The following SAMD12 variants were observed in gnomAD, a reference collection of about 807,000 sequenced individuals.
SAMD12 encodes sterile alpha motif domain-containing protein 12.
In SAMD12, 9 loss-of-function variants were observed where a neutral mutation model predicts 15.0. The ratio of observed to expected loss-of-function variants is 0.60; its 90% CI spans 0.36 to 1.05. The LOEUF is 1.05. SAMD12 is among the 50% of genes least tolerant of loss of function. The pLI is 0.01. For synonymous variants in SAMD12, 86 were observed against 90.1 expected, an observed-to-expected ratio of 0.96 and a Z score of 0.25; for missense variants, 230 against 234.2, an observed-to-expected ratio of 0.98 and a Z score of 0.12.
intron 4 of SAMD12, among the ~76,000 whole-genome samples, chr8:118,255,132 G>A (rs1356280613): frequency 6.6e-6 from 1 of 151,902 alleles, no homozygotes; most frequent in Non-Finnish European, 1.5e-5. Flanking sequence ...CAGACCGTGG[G>A]GGCAGACTAC....
intron 1 of SAMD12, among the ~76,000 whole-genome samples, chr8:118,613,502 A>G (rs2131319809): frequency 6.6e-6 from 1 of 152,332 alleles, no homozygotes; most frequent in East Asian, 1.9e-4. Flanking sequence ...ATCATACTTG[A>G]CTTTTCATAG....
intron 4 of SAMD12, among the ~76,000 whole-genome samples, chr8:118,351,453 A>G (rs940771036): frequency 2.7e-4 from 41 of 152,200 alleles, no homozygotes; most frequent in Middle Eastern, 3.2e-3. Flanking sequence ...AACTTGCCCA[A>G]GGTCCTACAG....
chr8:118,498,816 C>T (rs1824699223), intron 2 of SAMD12, among the ~76,000 whole-genome samples: 1 of 152,198 alleles, frequency 6.6e-6, no homozygotes, highest in Non-Finnish European at 1.5e-5. Flanking sequence ...TTAGGTGTGA[C>T]ATATATCATA....
chr8:118,606,598 A>G (rs1004078329), intron 1 of SAMD12, among the ~76,000 whole-genome samples: 15 of 148,786 alleles, frequency 1.0e-4, no homozygotes, highest in Admixed American at 1.0e-3. Flanking sequence ...AAAAGAAAAG[A>G]AAAAAAAACA....
chr8:118,576,696 T>A (rs940254238), intron 2 of SAMD12, among the ~76,000 whole-genome samples: 1 of 152,188 alleles, frequency 6.6e-6, no homozygotes, highest in African/African-American at 2.4e-5. Context: ...TAGGGCTGGT[T>A]TTTTGGAAAC....
At chr8:118,275,094 T>A (rs754740678) in intron 4 of SAMD12, among the ~76,000 whole-genome samples, 10 of 152,232 alleles carry the variant, frequency 6.6e-5, no homozygotes, top group Non-Finnish European at 1.3e-4. Flanking sequence ...GTTTGCTCTA[T>A]GTCTATTGTA....
chr8:118,203,919 T>C (rs1819786296), intron 4 of SAMD12, among the ~76,000 whole-genome samples: 1 of 151,698 alleles, frequency 6.6e-6, no homozygotes, highest in Admixed American at 6.6e-5. Flanking sequence ...ACTCATCCTT[T>C]TTTTTTTGTT....
At chr8:118,333,975 C>CTGTG (rs777240048) in intron 4 of SAMD12, among the ~76,000 whole-genome samples, 8,827 of 144,496 alleles carry the variant, frequency 0.061, 561 homozygotes, top group African/African-American at 0.13. Context: ...AGGGGTGTGT[C>CTGTG]TGTGTGTGTG....
chr8:118,274,175 A>G (rs1813424618), intron 4 of SAMD12, among the ~76,000 whole-genome samples: 1 of 152,230 alleles, frequency 6.6e-6, no homozygotes, highest in Non-Finnish European at 1.5e-5. Flanking sequence ...AGAGTGCTGC[A>G]TGACATGAAC....
chr8:118,549,075 C>T (rs959446480), intron 2 of SAMD12, among the ~76,000 whole-genome samples: 1 of 152,250 alleles, frequency 6.6e-6, no homozygotes, highest in South Asian at 2.1e-4. Flanking sequence ...CTGCCTGCCT[C>T]TGTAGGCTCC....
chr8:118,228,652 G>T (rs1288506447), intron 4 of SAMD12, among the ~76,000 whole-genome samples: 1 of 152,118 alleles, frequency 6.6e-6, no homozygotes, highest in Non-Finnish European at 1.5e-5. Flanking sequence ...TGTTGGCTTG[G>T]ATGCAGTGAT....
At chr8:118,339,996 G>A (rs572207177) in intron 4 of SAMD12, among the ~76,000 whole-genome samples, 3 of 152,336 alleles carry the variant, frequency 2.0e-5, no homozygotes, top group African/African-American at 2.4e-5. Context: ...GGCAGGGATC[G>A]TGTCTCATTT....
intron 2 of SAMD12, among the ~76,000 whole-genome samples, chr8:118,548,468 G>A (rs1013768373): frequency 6.6e-6 from 1 of 151,294 alleles, no homozygotes; most frequent in Non-Finnish European, 1.5e-5. Flanking sequence ...GTTAAGTTAT[G>A]GTGTCTAGTT....
chr8:118,425,207 GGA>G (rs1822192531), intron 3 of SAMD12, among the ~76,000 whole-genome samples: 2 of 152,118 alleles, frequency 1.3e-5, no homozygotes, highest in African/African-American at 4.8e-5. Flanking sequence ...CAAAGTGCTG[GGA>G]TTACAGGCGT....
chr8:118,342,681 A>C (rs1183388219), intron 4 of SAMD12, among the ~76,000 whole-genome samples: 1 of 152,250 alleles, frequency 6.6e-6, no homozygotes, highest in Non-Finnish European at 1.5e-5. Context: ...AAACAGTCCC[A>C]AATCCAGATT....
intron 2 of SAMD12, among the ~76,000 whole-genome samples, chr8:118,503,792 TAAAATAAACACTCAAAGCAG>T (rs1824850384): frequency 6.6e-6 from 1 of 152,078 alleles, no homozygotes; most frequent in African/African-American, 2.4e-5. Context: ...GAAATCCAGT[TAAAATAAACACTCAAAGCAG>T]AACTAAAAGA....
chr8:118,142,470 A>G, the SAMD12 span, among the ~76,000 whole-genome samples: 6 of 152,148 alleles, frequency 3.9e-5, no homozygotes, highest in Admixed American at 3.9e-4. Flanking sequence ...CCAAGTTCAG[A>G]CCAAACATTT....
At chr8:118,531,525 GC>G (rs1183040177) in intron 2 of SAMD12, among the ~76,000 whole-genome samples, 3 of 152,176 alleles carry the variant, frequency 2.0e-5, no homozygotes, top group Non-Finnish European at 4.4e-5. Flanking sequence ...GGGCAGTATG[GC>G]CATTTTCACG....
the SAMD12 span, among the ~76,000 whole-genome samples, chr8:118,142,038 C>G: frequency 6.6e-6 from 1 of 152,116 alleles, no homozygotes; most frequent in East Asian, 1.9e-4. Flanking sequence ...AATAACCACG[C>G]AAATTTTGTG....
Sources: allele counts gnomAD v4.1 joint callset (sites outside exome capture counted in the v4.1 genomes callset), GRCh38; gene constraint gnomAD v4.1.1; transcripts MANE v1.5; gene names NCBI Gene and HGNC (gene_info 2026-07-23, HGNC 2026-07-21).